Variants in CA8 observed in about 807,000 individuals in gnomAD.
The protein encoded by CA8 is carbonic anhydrase 8 (inactive).
CA8 carries 22 observed loss-of-function variants against 41.4 expected under a neutral mutation model. The observed-to-expected ratio is 0.53, with a 90% CI of 0.38 to 0.76. The LOEUF is 0.76. Among genes scored for constraint, CA8 ranks in the 30% least tolerant of loss-of-function variants. The pLI is 0.00. For missense variants in CA8, 270 were observed against 352.8 expected, an observed-to-expected ratio of 0.77 and a Z score of 1.88; for synonymous variants, 121 against 130.6, an observed-to-expected ratio of 0.93 and a Z score of 0.50.
chr8:60,271,042 T>C (rs1463655469), intron 2 of CA8, among the ~76,000 whole-genome samples: 1 of 152,046 alleles, frequency 6.6e-6, no homozygotes, highest in Admixed American at 6.6e-5. Flanking sequence ...TAGCCAATAA[T>C]AAATACAGTC....
chr8:60,200,318 T>C lies in CA8; in HGVS notation c.*35+8432A>G, dbSNP rs570090966. On this transcript the variant is annotated intron_variant, in intron 8 of 8. Transcript: ENST00000317995. ...GTTATAGAGGATCAAATGGAAGACA[T>C]GTAACCCTTTCCCTTCTTCGGGAGA... Among the ~76,000 whole-genome samples, 72 of 152,354 alleles carry C rather than the reference T, an allele frequency of 4.7e-4. No individual in the cohort carries two copies. The South Asian group carries it at 0.013, about 28-fold the overall frequency.
At chr8:60,227,437 G>A (rs1807479720) in intron 4 of CA8, among the ~76,000 whole-genome samples, 1 of 152,128 alleles carries the variant, frequency 6.6e-6, no homozygotes, top group South Asian at 2.1e-4. Context: ...TAAAGTATTA[G>A]TTACGTAAAT....
At chr8:60,220,824 C>A (rs912734963) in intron 7 of CA8, among the ~76,000 whole-genome samples, 1 of 152,174 alleles carries the variant, frequency 6.6e-6, no homozygotes, top group Non-Finnish European at 1.5e-5. Flanking sequence ...TAACAGAAAG[C>A]AAGCACAAGT....
chr8:60,198,860 G>T (rs992642735), intron 8 of CA8, among the ~76,000 whole-genome samples: 15 of 152,048 alleles, frequency 9.9e-5, no homozygotes, highest in African/African-American at 3.6e-4. Flanking sequence ...TAATAACACT[G>T]TTATTCTTAT....
At chr8:60,206,961 T>C (rs73243948) in intron 8 of CA8, among the ~76,000 whole-genome samples, 2,360 of 152,182 alleles carry the variant, frequency 0.016, 73 homozygotes, top group African/African-American at 0.054. Flanking sequence ...AAAAGACTTC[T>C]TCAATCCCAC....
chr8:60,199,900 T>G (rs182234909), intron 8 of CA8, among the ~76,000 whole-genome samples: 1 of 152,304 alleles, frequency 6.6e-6, no homozygotes, highest in Admixed American at 6.5e-5. Context: ...TCTAGTATAT[T>G]CTTGTTAAAA....
intron 7 of CA8, among the ~76,000 whole-genome samples, chr8:60,220,088 T>C (rs1807193600): frequency 6.6e-6 from 1 of 152,094 alleles, no homozygotes; most frequent in African/African-American, 2.4e-5. Flanking sequence ...TACGGAAACA[T>C]CTCCTTTGGG....
In CA8 at chr8:60,234,117, CT is replaced by C. The variant is rs544513693; in HGVS notation, c.418-1739del. On this transcript the variant is annotated intron_variant, in intron 3 of 8. Coordinates refer to ENST00000317995, the MANE Select transcript of CA8 (RefSeq NM_004056.6). ...TATGTATCCCTATATGTGATGAGCA[CT>C]TTACTGCTGTGTTTTCTCTCAATGA... Among the ~76,000 whole-genome samples, 11 of 152,290 alleles carry C rather than the reference CT, an allele frequency of 7.2e-5. No homozygotes were observed. The South Asian group carries it at 2.3e-3, about 32-fold the overall frequency.
chr8:60,215,426 G>C (rs1291424341), intron 7 of CA8, among the ~76,000 whole-genome samples: 3 of 151,668 alleles, frequency 2.0e-5, no homozygotes, highest in Admixed American at 1.3e-4. Context: ...GGGTGGGAAG[G>C]GGGTGAGGGA....
At chr8:60,201,233 A>G (rs1806419014) in intron 8 of CA8, among the ~76,000 whole-genome samples, 1 of 152,228 alleles carries the variant, frequency 6.6e-6, no homozygotes, top group Non-Finnish European at 1.5e-5. Context: ...CTAAAAGAAA[A>G]GTTCTACAGA....
chr8:60,280,972 A>C, intron 1 of CA8, 76 bp downstream of exon 1: 1 of 1,045,812 alleles, frequency 9.6e-7, no homozygotes, highest in South Asian at 1.3e-5. Flanking sequence ...CAGCGGCAGC[A>C]GGACTCGAGT....
At chr8:60,213,398 A>G (rs1182865483) in intron 7 of CA8, among the ~76,000 whole-genome samples, 4 of 152,252 alleles carry the variant, frequency 2.6e-5, no homozygotes, top group Admixed American at 2.6e-4. Flanking sequence ...CCACAGGGAA[A>G]GTGCTGCCTA....
chr8:60,196,888 C>T (rs1271013467), intron 8 of CA8, among the ~76,000 whole-genome samples: 4 of 151,974 alleles, frequency 2.6e-5, no homozygotes, highest in Admixed American at 6.6e-5. Context: ...ACATTGTGGT[C>T]GATGCACATG....
At chr8:60,231,463 G>T (rs187034607) in intron 4 of CA8, among the ~76,000 whole-genome samples, 2 of 152,138 alleles carry the variant, frequency 1.3e-5, no homozygotes, top group Admixed American at 1.3e-4. Context: ...GTTTAAAAGG[G>T]CCCATTATCG....
chr8:60,190,255 T>A (rs1247074543), intron 8 of CA8, among the ~76,000 whole-genome samples: 1 of 151,526 alleles, frequency 6.6e-6, no homozygotes, highest in Non-Finnish European at 1.5e-5. Flanking sequence ...ATGCTTGAAC[T>A]ATTTTACAAA....
chr8:60,198,894 C>T (rs1806349180), intron 8 of CA8, among the ~76,000 whole-genome samples: 1 of 152,012 alleles, frequency 6.6e-6, no homozygotes, highest in South Asian at 2.1e-4. Flanking sequence ...TTCCTCGTTA[C>T]AATGATTTTA....
At chr8:60,250,872 C>T (rs1412990136) in intron 3 of CA8, among the ~76,000 whole-genome samples, 2 of 152,132 alleles carry the variant, frequency 1.3e-5, no homozygotes, top group African/African-American at 4.8e-5. Context: ...CATTCAAGAG[C>T]TTCCATTCTT....
At chr8:60,231,963 A>G (rs1040061165) in intron 4 of CA8, among the ~76,000 whole-genome samples, 7 of 152,150 alleles carry the variant, frequency 4.6e-5, no homozygotes, top group Non-Finnish European at 1.0e-4. Context: ...TTTTCTGTAA[A>G]CCAGGGTCTA....
rs1379158482 is a variant in CA8, at chr8:60,188,359, C to CTT, written c.*1661_*1662insAA. 1 of 152,170 alleles carries CTT rather than the reference C, an allele frequency of 6.6e-6. No individual in the cohort carries two copies. Among genetic ancestry groups the CTT allele is most frequent in the Non-Finnish European group, 1.5e-5 (1 of 68,044 alleles). The allele number at this position is 152,170 out of a possible 1,614,324, so 9.4% of individuals were successfully genotyped here. ...AATCCCTGACTGTTCAGCACCAACCCGGTCAGGAGTGGAGAGGCTGGTACC... is the reference window on the plus strand; with the variant it reads ...AATCCCTGACTGTTCAGCACCAACCCTTGGTCAGGAGTGGAGAGGCTGGTACC... On this transcript the variant is annotated 3_prime_UTR_variant, in exon 9 of 9. Coordinates refer to ENST00000317995, the MANE Select transcript of CA8 (RefSeq NM_004056.6).
Sources: allele counts gnomAD v4.1 joint callset (sites outside exome capture counted in the v4.1 genomes callset), GRCh38; gene constraint gnomAD v4.1.1; transcripts MANE v1.5; gene names NCBI Gene and HGNC (gene_info 2026-07-23, HGNC 2026-07-21).